Variants in FBLN2 observed in about 807,000 individuals in gnomAD.
FBLN2 encodes the protein fibulin-2.
Under a neutral mutation model 123.7 loss-of-function variants are expected in FBLN2, and 81 were observed. The ratio of observed to expected loss-of-function variants is 0.65; its 90% CI spans 0.55 to 0.79. The LOEUF (loss-of-function observed/expected upper bound fraction) is 0.79, where lower values mean the gene tolerates loss of function less well. Ranked by LOEUF, FBLN2 falls within the 30% of genes least tolerant of loss-of-function variation. The pLI is 0.00. For missense variants in FBLN2, 1,603 were observed against 1,681.3 expected, an observed-to-expected ratio of 0.95 and a Z score of 0.81; for synonymous variants, 699 against 701.4, an observed-to-expected ratio of 1.00 and a Z score of 0.05.
intron 1 of FBLN2, among the ~76,000 whole-genome samples, chr3:13,558,664 C>G (rs60965316): frequency 0.8 from 106,812 of 133,098 alleles, 43,432 homozygotes; most frequent in East Asian, 1. Flanking sequence ...TACCCACACA[C>G]CCATCCATCC....
intron 1 of FBLN2, among the ~76,000 whole-genome samples, chr3:13,563,289 G>A (rs1325495444): frequency 1.3e-5 from 2 of 152,190 alleles, no homozygotes; most frequent in Admixed American, 6.5e-5. Flanking sequence ...TCACCTGGAG[G>A]TGCACATGTC....
chr3:13,599,507 G>A (rs115190053), intron 2 of FBLN2, among the ~76,000 whole-genome samples: 69 of 152,274 alleles, frequency 4.5e-4, no homozygotes, highest in African/African-American at 1.3e-3. Flanking sequence ...TGGAGACCAC[G>A]GGGGGTCATA....
At chr3:13,562,131 A>G (rs1444178377) in intron 1 of FBLN2, among the ~76,000 whole-genome samples, 2 of 152,140 alleles carry the variant, frequency 1.3e-5, no homozygotes, top group African/African-American at 2.4e-5. Flanking sequence ...CTCTTATCAG[A>G]GAAGGAGCAC....
chr3:13,586,502 T>G (rs1441733770), intron 2 of FBLN2, among the ~76,000 whole-genome samples: 2 of 148,290 alleles, frequency 1.3e-5, no homozygotes, highest in East Asian at 2.0e-4. Context: ...GTTGTTTTTT[T>G]TTTTTTTTTT....
At chr3:13,603,326 G>T (rs532722880) in intron 2 of FBLN2, among the ~76,000 whole-genome samples, 7 of 150,500 alleles carry the variant, frequency 4.7e-5, no homozygotes, top group African/African-American at 1.7e-4. Flanking sequence ...CCATGTTGGT[G>T]TGCTGCACCT....
At chr3:13,618,876 A>G (rs779016149) in intron 6 of FBLN2, 28 bp from the exon 7 acceptor site, 14 of 1,577,952 alleles carry the variant, frequency 8.9e-6, no homozygotes, top group Non-Finnish European at 1.7e-6. Context: ...ACCTCCCTGC[A>G]ACCCCCACTC....
chr3:13,568,860 G>A (rs1403905670), intron 1 of FBLN2: 9 of 985,528 alleles, frequency 9.1e-6, no homozygotes, highest in South Asian at 9.4e-5. Context: ...CTGTGAGGAC[G>A]CTGGGAACCT....
chr3:13,629,779 TA>T, intron 13 of FBLN2, 40 bp from the exon 14 acceptor site: 1 of 1,543,286 alleles, frequency 6.5e-7, no homozygotes, highest in Non-Finnish European at 8.7e-7. Flanking sequence ...GAGCTGGCTT[TA>T]GGGCCACCTA....
At chr3:13,567,680 C>A (rs1224747052) in intron 1 of FBLN2, among the ~76,000 whole-genome samples, 1 of 151,060 alleles carries the variant, frequency 6.6e-6, no homozygotes, top group African/African-American at 2.4e-5. Context: ...TCTTAAAAGA[C>A]ACTGTCAGCT....
rs376648664 is a variant in FBLN2, at chr3:13,631,425, A to T, written c.3182A>T (p.Tyr1061Phe). 28 of 1,598,712 alleles carry T rather than the reference A, an allele frequency of 1.8e-5. No homozygotes were observed. The highest frequency in any genetic ancestry group is 3.3e-4 in the Middle Eastern group (2 of 6,046). Residue 1061 changes from tyrosine (Y) to phenylalanine (F), a missense_variant, in exon 16 of 18, where the codon TAC becomes TTC. Transcript: ENST00000404922. ...SYQCACPEQG[Y>F]TMTANGRSCK... Reference sequence around the variant, plus strand: ...CAGTGTGCATGCCCTGAGCAGGGCTACACCATGACGGCCAACGGGAGGTCC... The same window carrying T: ...CAGTGTGCATGCCCTGAGCAGGGCTTCACCATGACGGCCAACGGGAGGTCC...
Position 13,631,341 on chromosome 3 carries a change from G to A in FBLN2, c.3098G>A (p.Cys1033Tyr). The change falls in exon 16 of 18, where the codon TGT (cysteine) becomes TAT (tyrosine). Residue 1033 changes from cysteine to tyrosine, a missense_variant. By Grantham distance (194) the Cys-to-Tyr change is radical (BLOSUM62 -2). Transcript: ENST00000404922. ...CTCTCTCTGACAGACATCGACGAGT[G>A]TGCTCAAGGCGCCGGCATCCTCTGC... ...DGHTCTDIDE[C>Y]AQGAGILCTF... is the part of the protein sequence containing the mutation. The A allele has an allele frequency of 1.2e-6, 2 of 1,603,150 alleles. No homozygotes were observed. Among genetic ancestry groups the A allele is most frequent in the Non-Finnish European group, 1.7e-6 (2 of 1,175,428 alleles).
intron 2 of FBLN2, among the ~76,000 whole-genome samples, chr3:13,604,244 C>G (rs1574975637): frequency 6.6e-6 from 1 of 152,162 alleles, no homozygotes; most frequent in Admixed American, 6.5e-5. Flanking sequence ...TTAATTAGAT[C>G]CCATTTGTCA....
chr3:13,556,025 G>T (rs112342791), intron 1 of FBLN2, among the ~76,000 whole-genome samples: 1 of 152,168 alleles, frequency 6.6e-6, no homozygotes, highest in Non-Finnish European at 1.5e-5. Flanking sequence ...GCTAGGCTGG[G>T]GTTGATGGAG....
chr3:13,630,874 G>C (rs1706232025), intron 15 of FBLN2, 59 bp downstream of exon 15: 1 of 1,342,436 alleles, frequency 7.4e-7, no homozygotes, highest in Admixed American at 2.0e-5. Context: ...CCTTGTGCCA[G>C]GCTCCCCGAG....
intron 2 of FBLN2, among the ~76,000 whole-genome samples, chr3:13,574,683 C>A (rs540147300): frequency 1.3e-5 from 2 of 152,252 alleles, no homozygotes; most frequent in South Asian, 4.1e-4. Context: ...GGCCCCATTA[C>A]CTCCCTTTCT....
chr3:13,592,011 CTCTTT>C, intron 2 of FBLN2, among the ~76,000 whole-genome samples: 1 of 149,614 alleles, frequency 6.7e-6, no homozygotes, highest in East Asian at 2.0e-4. Flanking sequence ...TTTCTGGCCT[CTCTTT>C]TCTTTTTTTT....
At chr3:13,583,772 T>C (rs546568281) in intron 2 of FBLN2, among the ~76,000 whole-genome samples, 1 of 152,342 alleles carries the variant, frequency 6.6e-6, no homozygotes, top group Non-Finnish European at 1.5e-5. Flanking sequence ...TAGGCAAGCC[T>C]GCCTGGCACA....
At chr3:13,622,258 C>A (rs1457268028) in intron 9 of FBLN2, among the ~76,000 whole-genome samples, 1 of 152,134 alleles carries the variant, frequency 6.6e-6, no homozygotes, top group African/African-American at 2.4e-5. Context: ...AGGCAGGAGG[C>A]CTAGCCAAGC....
rs111389908 is a variant in FBLN2, at chr3:13,571,286, G to A, written c.931G>A (p.Ala311Thr). Residue 311 changes from alanine (A) to threonine (T), a missense_variant, in exon 2 of 18, where the codon GCC becomes ACC. Ala to Thr is a moderately conservative substitution (Grantham distance 58). Coordinates refer to ENST00000404922, the MANE Select transcript of FBLN2 (RefSeq NM_001004019.2). ...GGGGCTGGATGGGCTGCCCACTACA[G>A]CCCCAGCTGGACCCAGTCTTCCTAT... ...HRGLDGLPTT[A>T]PAGPSLPIQE... 4.0e-3 allele frequency: 6,232 copies of A among 1,575,480 alleles called. 19 individuals carry two copies. Among genetic ancestry groups the A allele is most frequent in the South Asian group, 4.8e-3 (412 of 85,954 alleles).
Sources: gnomAD v4.1 joint callset for allele counts (sites outside exome capture counted in the v4.1 genomes callset) on GRCh38, gnomAD v4.1.1 for gene constraint, MANE v1.5 for transcripts, NCBI Gene and HGNC (gene_info 2026-07-23, HGNC 2026-07-21) for gene names.